Variants in RAD51B observed in about 807,000 individuals in gnomAD.
The protein encoded by RAD51B is DNA repair protein RAD51 homolog 2.
A neutral mutation model predicts 42.2 loss-of-function variants in RAD51B; 38 were observed. The observed-to-expected ratio is 0.90, with a 90% CI of 0.70 to 1.18. RAD51B has a LOEUF of 1.18. Ranked by LOEUF, RAD51B falls within the 50% of genes most tolerant of loss-of-function variation. RAD51B has a pLI of 0.00. For synonymous variants in RAD51B, 154 were observed against 145.2 expected, an observed-to-expected ratio of 1.06 and a Z score of -0.43; for missense variants, 373 against 400.7, an observed-to-expected ratio of 0.93 and a Z score of 0.59.
intron 7 of RAD51B, among the ~76,000 whole-genome samples, chr14:68,088,330 T>G (rs760907056): frequency 3.9e-5 from 6 of 151,988 alleles, no homozygotes; most frequent in Non-Finnish European, 7.4e-5. Flanking sequence ...AAATCAAATT[T>G]ACTTACTTAC....
At chr14:67,874,704 A>G (rs2042669093) in intron 5 of RAD51B, among the ~76,000 whole-genome samples, 1 of 152,050 alleles carries the variant, frequency 6.6e-6, no homozygotes, top group African/African-American at 2.4e-5. Flanking sequence ...TCTGCTTAAG[A>G]TCTCATATAG....
intron 7 of RAD51B, among the ~76,000 whole-genome samples, chr14:68,224,350 A>T (rs2079992229): frequency 6.6e-6 from 1 of 152,122 alleles, no homozygotes; most frequent in Non-Finnish European, 1.5e-5. Context: ...TCTCCCAGTC[A>T]CTTACTTTGC....
intron 3 of RAD51B, among the ~76,000 whole-genome samples, chr14:67,832,021 C>T (rs1167936252): frequency 3.3e-5 from 5 of 151,942 alleles, no homozygotes; most frequent in East Asian, 3.9e-4. Flanking sequence ...GTAAGGATGC[C>T]GACTGAAATA....
chr14:68,290,694 A>G (rs532620495), intron 7 of RAD51B, among the ~76,000 whole-genome samples: 1 of 152,108 alleles, frequency 6.6e-6, no homozygotes, highest in African/African-American at 2.4e-5. Context: ...TTAGAGTCAA[A>G]CTCATTCATT....
chr14:67,953,988 G>C (rs569310004), intron 7 of RAD51B, among the ~76,000 whole-genome samples: 1 of 152,168 alleles, frequency 6.6e-6, no homozygotes, highest in South Asian at 2.1e-4. Context: ...AAAAGAAGGT[G>C]GCAGAAGTGG....
intron 5 of RAD51B, among the ~76,000 whole-genome samples, chr14:67,873,403 A>C (rs1376417109): frequency 8.6e-5 from 13 of 152,000 alleles, no homozygotes; most frequent in Non-Finnish European, 1.5e-4. Flanking sequence ...ATCTCACACC[A>C]GTTAGAATGG....
At chr14:68,545,102 C>A (rs1888151974) in intron 10 of RAD51B, among the ~76,000 whole-genome samples, 1 of 152,238 alleles carries the variant, frequency 6.6e-6, no homozygotes, top group Non-Finnish European at 1.5e-5. Flanking sequence ...AGCCCTAGAA[C>A]CAACTCATGA....
At chr14:67,984,709 G>A (rs1461103342) in intron 7 of RAD51B, among the ~76,000 whole-genome samples, 3 of 152,122 alleles carry the variant, frequency 2.0e-5, no homozygotes, top group Non-Finnish European at 2.9e-5. Context: ...ATTCATACAT[G>A]TTGTAAATGC....
intron 4 of RAD51B, among the ~76,000 whole-genome samples, chr14:67,855,892 C>A (rs1280791895): frequency 2.0e-5 from 3 of 152,166 alleles, no homozygotes; most frequent in Non-Finnish European, 4.4e-5. Context: ...ATTCATTTAT[C>A]CTGCCCTATG....
intron 7 of RAD51B, among the ~76,000 whole-genome samples, chr14:68,154,826 A>C (rs1049174866): frequency 3.3e-5 from 5 of 152,032 alleles, no homozygotes; most frequent in Admixed American, 6.6e-5. Context: ...CCTGTTACTT[A>C]ATCTTTGTCA....
intron 8 of RAD51B, among the ~76,000 whole-genome samples, chr14:68,346,959 C>A (rs371761096): frequency 2.0e-5 from 3 of 152,150 alleles, no homozygotes; most frequent in Admixed American, 6.5e-5. Flanking sequence ...CCCTCTACCC[C>A]CCAAGGCTGG....
At chr14:68,130,362 G>C (rs910220760) in intron 7 of RAD51B, among the ~76,000 whole-genome samples, 1 of 152,226 alleles carries the variant, frequency 6.6e-6, no homozygotes, top group Non-Finnish European at 1.5e-5. Context: ...TCCTCTTGCT[G>C]TGTTTAAAGA....
intron 9 of RAD51B, among the ~76,000 whole-genome samples, chr14:68,435,358 T>C (rs980710212): frequency 6.6e-6 from 1 of 152,190 alleles, no homozygotes; most frequent in African/African-American, 2.4e-5. Context: ...CGATATGACT[T>C]CATTCTTTTT....
chr14:67,949,705 A>T (rs1298826859), intron 7 of RAD51B, among the ~76,000 whole-genome samples: 1 of 152,192 alleles, frequency 6.6e-6, no homozygotes, highest in Non-Finnish European at 1.5e-5. Context: ...GAAGAATCAC[A>T]ATCTATGGCA....
intron 8 of RAD51B, among the ~76,000 whole-genome samples, chr14:68,297,248 C>T (rs370184214): frequency 2.4e-4 from 37 of 152,224 alleles, no homozygotes; most frequent in Admixed American, 3.9e-4. Flanking sequence ...GTCTTATTTC[C>T]ACTCTTGCTT....
intron 8 of RAD51B, among the ~76,000 whole-genome samples, chr14:68,387,895 A>G (rs1017558504): frequency 2.0e-5 from 3 of 152,162 alleles, no homozygotes; most frequent in Middle Eastern, 3.2e-3. Flanking sequence ...GTATGAGGGA[A>G]AAAAACATAA....
chr14:68,239,737 C>T (rs1021182817), intron 7 of RAD51B, among the ~76,000 whole-genome samples: 26 of 152,180 alleles, frequency 1.7e-4, no homozygotes, highest in Non-Finnish European at 2.9e-4. Flanking sequence ...CTTTACCTAG[C>T]AGACTCTTGA....
chr14:68,630,524 G>A (rs1892202690), intron 10 of RAD51B, among the ~76,000 whole-genome samples: 1 of 152,136 alleles, frequency 6.6e-6, no homozygotes, highest in East Asian at 1.9e-4. Flanking sequence ...CTCCGGACTT[G>A]GAGACATTGG....
chr14:68,386,455 G>A (rs1276254903), intron 8 of RAD51B, among the ~76,000 whole-genome samples: 2 of 152,184 alleles, frequency 1.3e-5, no homozygotes, highest in African/African-American at 4.8e-5. Context: ...TTTGCTGTAA[G>A]GCACCCACTG....
Sources: allele counts gnomAD v4.1 joint callset (sites outside exome capture counted in the v4.1 genomes callset), GRCh38; gene constraint gnomAD v4.1.1; transcripts MANE v1.5; gene names NCBI Gene and HGNC (gene_info 2026-07-23, HGNC 2026-07-21).